The following STXBP5L variants were observed in gnomAD, a reference collection of about 807,000 sequenced individuals.
The protein encoded by STXBP5L is syntaxin binding protein 5L.
Under a neutral mutation model 144.5 loss-of-function variants are expected in STXBP5L, and 65 were observed. That is an observed-to-expected ratio of 0.45 (90% CI 0.37 to 0.55). The LOEUF (loss-of-function observed/expected upper bound fraction) is 0.55. Ranked by LOEUF, STXBP5L falls within the 20% of genes least tolerant of loss-of-function variation. The pLI, the probability that STXBP5L is intolerant of heterozygous loss-of-function variation, is 0.00. For missense variants in STXBP5L, 1,298 were observed against 1,405.5 expected (o/e 0.92, Z 1.22); for synonymous variants, 505 against 469.6 (o/e 1.08, Z -0.97).
chr3:121,079,661 C>A (rs997633246), intron 5 of STXBP5L, among the ~76,000 whole-genome samples: 4 of 151,968 alleles, frequency 2.6e-5, no homozygotes, highest in African/African-American at 9.7e-5. Context: ...AGTTGATTTC[C>A]AGTTTTATTG....
chr3:121,225,409 A>G (rs1559883613), intron 11 of STXBP5L, among the ~76,000 whole-genome samples: 1 of 152,068 alleles, frequency 6.6e-6, no homozygotes, highest in East Asian at 1.9e-4. Flanking sequence ...CTGAGGCCAG[A>G]TCTCCTGGTG....
chr3:121,218,192 TA>T (rs2048854275), intron 10 of STXBP5L, among the ~76,000 whole-genome samples: 1 of 141,590 alleles, frequency 7.1e-6, no homozygotes, highest in Admixed American at 7.4e-5. Context: ...TATGATATAG[TA>T]TATATATTAC....
At chr3:121,053,858 C>A (rs1948229523) in intron 5 of STXBP5L, among the ~76,000 whole-genome samples, 2 of 152,062 alleles carry the variant, frequency 1.3e-5, no homozygotes, top group South Asian at 2.1e-4. Context: ...GGGCTAATAT[C>A]CAGAATCTAC....
At chr3:121,031,743 C>A (rs894062583) in intron 3 of STXBP5L, among the ~76,000 whole-genome samples, 10 of 152,172 alleles carry the variant, frequency 6.6e-5, no homozygotes, top group Admixed American at 2.0e-4. Context: ...ATAAAATTAA[C>A]CACTACACAA....
At chr3:121,239,393 T>G (rs1024445285) in intron 13 of STXBP5L, among the ~76,000 whole-genome samples, 4 of 150,516 alleles carry the variant, frequency 2.7e-5, no homozygotes, top group Non-Finnish European at 4.4e-5. Flanking sequence ...ATACTAAGTA[T>G]GTACTTATAC....
At chr3:121,304,321 C>G (rs1011998268) in intron 19 of STXBP5L, among the ~76,000 whole-genome samples, 6 of 151,980 alleles carry the variant, frequency 3.9e-5, no homozygotes, top group South Asian at 2.1e-4. Flanking sequence ...ACTGACAGAA[C>G]AAATAGACAA....
intron 5 of STXBP5L, among the ~76,000 whole-genome samples, chr3:121,093,560 A>T (rs975720253): frequency 2.0e-5 from 3 of 152,198 alleles, no homozygotes; most frequent in African/African-American, 7.2e-5. Context: ...TTATTTGCGT[A>T]GAGCTGTTTG....
chr3:121,123,375 T>A (rs1392003243), intron 7 of STXBP5L, among the ~76,000 whole-genome samples: 22 of 151,652 alleles, frequency 1.5e-4, no homozygotes, highest in Non-Finnish European at 2.7e-4. Context: ...GTGCAAACTA[T>A]TAAAATAGTC....
At chr3:121,108,875 C>T (rs192426932) in intron 5 of STXBP5L, among the ~76,000 whole-genome samples, 10 of 152,256 alleles carry the variant, frequency 6.6e-5, no homozygotes, top group African/African-American at 2.4e-4. Flanking sequence ...CTATTTACTA[C>T]TGCCTCAGTT....
intron 9 of STXBP5L, among the ~76,000 whole-genome samples, chr3:121,184,697 T>C (rs545615289): frequency 6.6e-6 from 1 of 152,162 alleles, no homozygotes; most frequent in Admixed American, 6.5e-5. Flanking sequence ...AACATTCAAA[T>C]TCAAGAAATA....
chr3:120,988,070 AT>A (rs911013915), intron 3 of STXBP5L, among the ~76,000 whole-genome samples: 28 of 131,554 alleles, frequency 2.1e-4, no homozygotes, highest in African/African-American at 6.7e-4. Context: ...AGGTATATTT[AT>A]TTTTTTTTCA....
At chr3:121,017,916 A>G (rs989051460) in intron 3 of STXBP5L, among the ~76,000 whole-genome samples, 1 of 152,004 alleles carries the variant, frequency 6.6e-6, no homozygotes, top group African/African-American at 2.4e-5. Context: ...CAGTTTCTAA[A>G]CAAAACCAAA....
intron 9 of STXBP5L, among the ~76,000 whole-genome samples, chr3:121,191,015 A>G (rs930119013): frequency 9.3e-5 from 14 of 150,766 alleles, no homozygotes; most frequent in African/African-American, 3.4e-4. Flanking sequence ...CACTTCCTAG[A>G]CGGGATGACT....
At chr3:121,047,762 T>C (rs1267599527) in intron 5 of STXBP5L, among the ~76,000 whole-genome samples, 1 of 152,160 alleles carries the variant, frequency 6.6e-6, no homozygotes, top group Non-Finnish European at 1.5e-5. Context: ...GATGGGTCTC[T>C]TGAAGACAGC....
chr3:121,373,030 G>T (rs976265475), intron 20 of STXBP5L, among the ~76,000 whole-genome samples: 1 of 152,176 alleles, frequency 6.6e-6, no homozygotes, highest in Non-Finnish European at 1.5e-5. Flanking sequence ...AGTAAAACTT[G>T]TTCTTAACCT....
chr3:121,329,133 T>C (rs557945490), intron 20 of STXBP5L, among the ~76,000 whole-genome samples: 1 of 152,136 alleles, frequency 6.6e-6, no homozygotes, highest in Admixed American at 6.5e-5. Context: ...TGGCTTCTCT[T>C]GTATGGAAAA....
intron 5 of STXBP5L, among the ~76,000 whole-genome samples, chr3:121,091,207 C>G (rs1204750800): frequency 6.8e-6 from 1 of 146,696 alleles, no homozygotes; most frequent in Non-Finnish European, 1.5e-5. Context: ...GTTCCAAGTC[C>G]TTGCTATTGT....
intron 5 of STXBP5L, among the ~76,000 whole-genome samples, chr3:121,101,818 C>A (rs754171867): frequency 2.0e-5 from 3 of 152,020 alleles, no homozygotes; most frequent in African/African-American, 4.8e-5. Context: ...TGATATAATT[C>A]TATACCTAGA....
At chr3:120,956,404 T>A (rs146005513) in intron 3 of STXBP5L, among the ~76,000 whole-genome samples, 2 of 152,012 alleles carry the variant, frequency 1.3e-5, no homozygotes, top group African/African-American at 4.8e-5. Context: ...TCTAGGTAAC[T>A]TATATAAGTG....
Sources: allele counts gnomAD v4.1 joint callset (sites outside exome capture counted in the v4.1 genomes callset), GRCh38; gene constraint gnomAD v4.1.1; transcripts MANE v1.5; gene names NCBI Gene and HGNC (gene_info 2026-07-23, HGNC 2026-07-21).